The following CDK6 variants were observed in gnomAD, a reference collection of about 807,000 sequenced individuals.
The protein encoded by CDK6 is cyclin dependent kinase 6.
In CDK6, 6 loss-of-function variants were observed where a neutral mutation model predicts 37.1. That is an observed-to-expected ratio of 0.16 (90% CI 0.09 to 0.32). The LOEUF is 0.32. Ranked by LOEUF, CDK6 falls within the 10% of genes least tolerant of loss-of-function variation. The pLI, the probability that CDK6 is intolerant of heterozygous loss-of-function variation, is 1.00. For missense variants in CDK6, 224 were observed against 418.9 expected, an observed-to-expected ratio of 0.53 and a Z score of 4.06; for synonymous variants, 160 against 161.3, an observed-to-expected ratio of 0.99 and a Z score of 0.06.
intron 3 of CDK6, among the ~76,000 whole-genome samples, chr7:92,761,852 CTT>C (rs940223881): frequency 2.0e-5 from 3 of 152,216 alleles, no homozygotes; most frequent in Non-Finnish European, 2.9e-5. Context: ...AAATGCAACT[CTT>C]TTTCTTAATT....
At chr7:92,781,756 T>C (rs974903423) in intron 2 of CDK6, among the ~76,000 whole-genome samples, 2 of 152,192 alleles carry the variant, frequency 1.3e-5, no homozygotes, top group Non-Finnish European at 2.9e-5. Flanking sequence ...CACAGCTACC[T>C]AAGGGCCACA....
chr7:92,833,176 C>A lies in CDK6; in HGVS notation c.148G>T (p.Gly50Cys), dbSNP rs1368516053. 1.6e-5 allele frequency: 26 copies of A among 1,608,958 alleles called. No homozygotes were observed. Among genetic ancestry groups the A allele is most frequent in the Non-Finnish European group, 2.2e-5 (26 of 1,178,416 alleles). Residue 50 changes from glycine (G) to cysteine (C), a missense_variant, in exon 2 of 8, where the codon GGC (glycine) becomes TGC (cysteine). Physicochemically the swap from Gly to Cys is radical, Grantham distance 159. Coordinates refer to ENST00000424848, the MANE Select transcript of CDK6 (RefSeq NM_001145306.2). The surrounding 1 kb of genome is among the most constrained non-coding windows in gnomAD (Gnocchi z 6.1). ...VALKRVRVQT[G>C]EEGMPLSTIR... ...GTGGAGAGCGGCATGCCCTCCTCGC[C>A]GGTCTGCACCCGCACGCGCTTCAAC...
At chr7:92,776,718 A>C (rs951735236) in intron 2 of CDK6, among the ~76,000 whole-genome samples, 1 of 152,128 alleles carries the variant, frequency 6.6e-6, no homozygotes, top group East Asian at 1.9e-4. Context: ...TCTTTTGAGA[A>C]AATGTCTGTT....
At chr7:92,748,782 G>A (rs1191957571) in intron 3 of CDK6, among the ~76,000 whole-genome samples, 1 of 152,032 alleles carries the variant, frequency 6.6e-6, no homozygotes, top group African/African-American at 2.4e-5. Context: ...GCTTCCTGAG[G>A]CCCCATGGAA....
chr7:92,631,548 T>TA, intron 5 of CDK6, among the ~76,000 whole-genome samples: 1 of 152,308 alleles, frequency 6.6e-6, no homozygotes, highest in South Asian at 2.1e-4. Context: ...TTCAAGATGT[T>TA]ATTTCTCTCT....
At chr7:92,781,520 C>G (rs1408787499) in intron 2 of CDK6, among the ~76,000 whole-genome samples, 4 of 152,220 alleles carry the variant, frequency 2.6e-5, no homozygotes, top group African/African-American at 9.7e-5. Flanking sequence ...TTTGGGATTT[C>G]CAAAGATTAC....
chr7:92,637,577 A>C (rs1037400617), intron 5 of CDK6, among the ~76,000 whole-genome samples: 15 of 152,174 alleles, frequency 9.9e-5, no homozygotes, highest in Non-Finnish European at 1.9e-4. Context: ...TCAACAGCTA[A>C]TAATAATAAT....
intron 4 of CDK6, among the ~76,000 whole-genome samples, chr7:92,692,084 A>G (rs1017369903): frequency 5.3e-5 from 8 of 152,048 alleles, no homozygotes; most frequent in African/African-American, 1.7e-4. Flanking sequence ...CCTGACCAAC[A>G]TGGGGAAACT....
chr7:92,627,468 C>T (rs951310556), intron 5 of CDK6, among the ~76,000 whole-genome samples: 3 of 152,028 alleles, frequency 2.0e-5, no homozygotes, highest in Non-Finnish European at 4.4e-5. Flanking sequence ...TCCCTTGTCC[C>T]TTTCACCATA....
intron 5 of CDK6, among the ~76,000 whole-genome samples, chr7:92,658,219 G>A (rs967059797): frequency 1.3e-5 from 2 of 152,140 alleles, no homozygotes; most frequent in Non-Finnish European, 2.9e-5. Flanking sequence ...TAAAAAATTT[G>A]CATGTCATTT....
intron 2 of CDK6, among the ~76,000 whole-genome samples, chr7:92,809,837 AT>A (rs1346948165): frequency 6.6e-6 from 1 of 152,240 alleles, no homozygotes; most frequent in African/African-American, 2.4e-5. Flanking sequence ...GTCATTCGAT[AT>A]CATTAGCCAG....
At chr7:92,720,759 C>T (rs1798347130) in intron 4 of CDK6, among the ~76,000 whole-genome samples, 1 of 152,098 alleles carries the variant, frequency 6.6e-6, no homozygotes. Flanking sequence ...CCCTTATCTT[C>T]ACAAAAATAA....
chr7:92,832,284 T>C (rs1212305921), intron 2 of CDK6, among the ~76,000 whole-genome samples: 1 of 152,010 alleles, frequency 6.6e-6, no homozygotes, highest in Non-Finnish European at 1.5e-5. Flanking sequence ...CAGGAGAGAG[T>C]AAGAACTGCT....
chr7:92,686,845 T>C (rs1797467330), intron 4 of CDK6, among the ~76,000 whole-genome samples: 2 of 152,030 alleles, frequency 1.3e-5, no homozygotes, highest in African/African-American at 4.8e-5. Flanking sequence ...TGCATTGTGG[T>C]TTTGATTTGC....
At chr7:92,822,951 T>C (rs372270402) in intron 2 of CDK6, among the ~76,000 whole-genome samples, 17 of 152,108 alleles carry the variant, frequency 1.1e-4, no homozygotes, top group South Asian at 1.0e-3. Context: ...TTCTCTCTCA[T>C]TGCTACCTTA....
chr7:92,826,405 C>G (rs1801312935), intron 2 of CDK6, among the ~76,000 whole-genome samples: 1 of 152,068 alleles, frequency 6.6e-6, no homozygotes, highest in Non-Finnish European at 1.5e-5. Context: ...TTAAGGAATA[C>G]AGAACAAAGA....
chr7:92,694,863 T>G (rs1464251507), intron 4 of CDK6, among the ~76,000 whole-genome samples: 1 of 152,248 alleles, frequency 6.6e-6, no homozygotes, highest in South Asian at 2.1e-4. Context: ...AGGAATGACA[T>G]GGGATATAAT....
At chr7:92,798,553 CT>C (rs908693671) in intron 2 of CDK6, among the ~76,000 whole-genome samples, 5 of 152,168 alleles carry the variant, frequency 3.3e-5, no homozygotes, top group Non-Finnish European at 4.4e-5. Context: ...AGAGTTCTTA[CT>C]TTTTATAAAA....
At chr7:92,735,273 T>C (rs1290660897) in intron 3 of CDK6, among the ~76,000 whole-genome samples, 1 of 152,200 alleles carries the variant, frequency 6.6e-6, no homozygotes, top group African/African-American at 2.4e-5. Flanking sequence ...TTTTTACTTT[T>C]GTCAACTTTT....
Sources: allele counts gnomAD v4.1 joint callset (sites outside exome capture counted in the v4.1 genomes callset), GRCh38; gene constraint gnomAD v4.1.1; non-coding constraint Gnocchi (gnomAD v3.1); transcripts MANE v1.5; gene names NCBI Gene and HGNC (gene_info 2026-07-23, HGNC 2026-07-21).